BBX: variants seen among roughly 807,000 people sequenced by gnomAD.
The protein encoded by BBX is HMG box transcription factor BBX.
A neutral mutation model predicts 100.2 loss-of-function variants in BBX; 30 were observed. The observed-to-expected ratio is 0.30, with a 90% CI of 0.22 to 0.41. The LOEUF is 0.41. BBX is among the 10% of genes least tolerant of loss of function. BBX has a pLI of 1.00. For missense variants in BBX, 1,023 were observed against 1,129.8 expected (o/e 0.91, Z 1.35); for synonymous variants, 376 against 388.1 (o/e 0.97, Z 0.37).
intron 5 of BBX, among the ~76,000 whole-genome samples, chr3:107,718,610 T>A (rs903164379): frequency 3.9e-5 from 6 of 152,048 alleles, no homozygotes; most frequent in African/African-American, 1.4e-4. Flanking sequence ...TGTTTTTGGA[T>A]AACATGCAGC....
intron 2 of BBX, among the ~76,000 whole-genome samples, chr3:107,600,069 A>G (rs1463488009): frequency 5.9e-5 from 9 of 152,226 alleles, no homozygotes; most frequent in African/African-American, 2.2e-4. Flanking sequence ...GTTACATTTA[A>G]GTGGAAAAAT....
chr3:107,554,017 C>T (rs635881), intron 2 of BBX, among the ~76,000 whole-genome samples: 16,561 of 151,934 alleles, frequency 0.11, 1,007 homozygotes, highest in Non-Finnish European at 0.12. Flanking sequence ...AAATAAGAAA[C>T]TGAGAGTGGG....
chr3:107,797,006 G>C (rs899274673), intron 15 of BBX, among the ~76,000 whole-genome samples: 1 of 151,972 alleles, frequency 6.6e-6, no homozygotes, highest in Non-Finnish European at 1.5e-5. Context: ...ATTGAGGTAA[G>C]GCCAAACCAC....
chr3:107,787,514 T>C (rs559398893), intron 13 of BBX, among the ~76,000 whole-genome samples: 4 of 152,324 alleles, frequency 2.6e-5, no homozygotes, highest in Non-Finnish European at 5.9e-5. Flanking sequence ...GGAGTAGTAG[T>C]ATTAAAAAGG....
intron 3 of BBX, among the ~76,000 whole-genome samples, chr3:107,648,629 G>T (rs1017018666): frequency 6.6e-6 from 1 of 152,132 alleles, no homozygotes; most frequent in Non-Finnish European, 1.5e-5. Flanking sequence ...GATGAAGAAT[G>T]CAGACACCAT....
chr3:107,542,863 A>G (rs2048957642), intron 2 of BBX, among the ~76,000 whole-genome samples: 1 of 152,184 alleles, frequency 6.6e-6, no homozygotes, highest in Non-Finnish European at 1.5e-5. Context: ...TGCATGGACC[A>G]GTCTAGGCTC....
At chr3:107,755,376 C>G (rs3761964) in intron 9 of BBX, among the ~76,000 whole-genome samples, 17,819 of 152,130 alleles carry the variant, frequency 0.12, 1,201 homozygotes, top group Admixed American at 0.15. Context: ...AGATAATATT[C>G]TTACTGTTAA....
At chr3:107,571,853 T>C (rs2051391623) in intron 2 of BBX, among the ~76,000 whole-genome samples, 1 of 152,238 alleles carries the variant, frequency 6.6e-6, no homozygotes, top group Admixed American at 6.5e-5. Context: ...TGCTCAGTGT[T>C]TGGTTCCTGT....
At chr3:107,569,905 C>T (rs2051215919) in intron 2 of BBX, among the ~76,000 whole-genome samples, 1 of 152,206 alleles carries the variant, frequency 6.6e-6, no homozygotes, top group Non-Finnish European at 1.5e-5. Context: ...CAGTCTTCAG[C>T]TATTAAGCTG....
At chr3:107,721,058 C>T (rs1446970428) in intron 5 of BBX, among the ~76,000 whole-genome samples, 1 of 152,068 alleles carries the variant, frequency 6.6e-6, no homozygotes. Flanking sequence ...ATCCAGCATT[C>T]TGAGAAACAG....
chr3:107,761,644 G>A (rs1157773098), intron 10 of BBX, among the ~76,000 whole-genome samples: 1 of 152,182 alleles, frequency 6.6e-6, no homozygotes, highest in African/African-American at 2.4e-5. Context: ...GGGAAGGCTG[G>A]TTGCAAACAA....
intron 2 of BBX, among the ~76,000 whole-genome samples, chr3:107,639,564 G>A (rs997392784): frequency 6.6e-6 from 1 of 151,926 alleles, no homozygotes; most frequent in Admixed American, 6.6e-5. Flanking sequence ...AACTCTTTTT[G>A]CCTTAAATGT....
chr3:107,643,173 G>A (rs1006274679), intron 2 of BBX, among the ~76,000 whole-genome samples: 2 of 152,114 alleles, frequency 1.3e-5, no homozygotes, highest in African/African-American at 4.8e-5. Flanking sequence ...ACCTTTTTTA[G>A]TATAAAAAGC....
At chr3:107,764,412 G>A (rs530516890) in intron 10 of BBX, among the ~76,000 whole-genome samples, 2 of 152,288 alleles carry the variant, frequency 1.3e-5, no homozygotes, top group East Asian at 3.9e-4. Context: ...TCTGTTGAAT[G>A]CCTTCTTTTT....
At chr3:107,611,079 CTT>C (rs1338892577) in intron 2 of BBX, among the ~76,000 whole-genome samples, 1 of 152,028 alleles carries the variant, frequency 6.6e-6, no homozygotes, top group African/African-American at 2.4e-5. Context: ...AAACTGATAA[CTT>C]AACACTGCTT....
At chr3:107,596,498 C>T (rs2053675392) in intron 2 of BBX, among the ~76,000 whole-genome samples, 1 of 152,148 alleles carries the variant, frequency 6.6e-6, no homozygotes, top group Admixed American at 6.6e-5. Context: ...CAGTGCCTCT[C>T]TCAGGGGCTG....
chr3:107,681,515 G>A (rs1164549925), intron 3 of BBX, among the ~76,000 whole-genome samples: 1 of 151,996 alleles, frequency 6.6e-6, no homozygotes, highest in Admixed American at 6.6e-5. Context: ...GGGGTCAAAG[G>A]GCAGGGAAGA....
chr3:107,557,690 C>A (rs2050183775), intron 2 of BBX, among the ~76,000 whole-genome samples: 1 of 152,184 alleles, frequency 6.6e-6, no homozygotes, highest in Admixed American at 6.5e-5. Flanking sequence ...AGTGTTTGTA[C>A]CTTCTTTTCC....
At chr3:107,580,852 A>G (rs572429625) in intron 2 of BBX, among the ~76,000 whole-genome samples, 3 of 152,330 alleles carry the variant, frequency 2.0e-5, no homozygotes, top group Non-Finnish European at 2.9e-5. Context: ...GCTGGTCTCA[A>G]ACTCCTGACC....
Sources: allele counts gnomAD v4.1 joint callset (sites outside exome capture counted in the v4.1 genomes callset), GRCh38; gene constraint gnomAD v4.1.1; transcripts MANE v1.5; gene names NCBI Gene and HGNC (gene_info 2026-07-23, HGNC 2026-07-21).